Variants in ADAMTS20 observed in about 807,000 individuals in gnomAD.
ADAMTS20 encodes the protein ADAM metallopeptidase with thrombospondin type 1 motif 20.
A neutral mutation model predicts 260.1 loss-of-function variants in ADAMTS20; 225 were observed. That is an observed-to-expected ratio of 0.87 (90% CI 0.78 to 0.97). The LOEUF (loss-of-function observed/expected upper bound fraction) is 0.97, where lower values mean the gene tolerates loss of function less well. ADAMTS20 is among the 50% of genes least tolerant of loss of function. The pLI, the probability that ADAMTS20 is intolerant of heterozygous loss-of-function variation, is 0.00. For synonymous variants in ADAMTS20, 802 were observed against 769.5 expected, an observed-to-expected ratio of 1.04 and a Z score of -0.70; for missense variants, 2,400 against 2,337.7, an observed-to-expected ratio of 1.03 and a Z score of -0.55.
rs1177979673 is a variant in ADAMTS20, at chr12:43,383,811, C to T, written c.4619G>A (p.Arg1540Lys). ...TTACATGTCGATACTCACATTCAGC[C>T]TCCCTCTTTCCATCCCCTTGTGCTG... ...CVQHKGMERG[R>K]LNCSTSCERK... The change falls in exon 30 of 39, where the codon AGG becomes AAG. Residue 1540 changes from arginine to lysine, a missense_variant. Coordinates refer to ENST00000389420, the MANE Select transcript of ADAMTS20 (RefSeq NM_025003.5). 1 of 1,613,694 alleles carries T rather than the reference C, an allele frequency of 6.2e-7. No individual in the cohort carries two copies. Among genetic ancestry groups the T allele is most frequent in the Non-Finnish European group, 8.5e-7 (1 of 1,179,704 alleles).
intron 3 of ADAMTS20, among the ~76,000 whole-genome samples, chr12:43,509,269 C>T (rs998369097): frequency 3.3e-5 from 5 of 151,870 alleles, no homozygotes; most frequent in East Asian, 1.9e-4. Flanking sequence ...TTGACAATGA[C>T]GTTTAAAAAC....
At chr12:43,531,885 A>G in intron 3 of ADAMTS20, 151 bp downstream of exon 3, 1 of 506,502 alleles carries the variant, frequency 2.0e-6, no homozygotes, top group Non-Finnish European at 2.9e-6. Context: ...CATGTCATAC[A>G]TGCTAAACAT....
At chr12:43,512,718 C>A (rs1942942179) in intron 3 of ADAMTS20, among the ~76,000 whole-genome samples, 1 of 152,160 alleles carries the variant, frequency 6.6e-6, no homozygotes, top group Admixed American at 6.5e-5. Context: ...TTCCTTGCAT[C>A]CCCTGAATCA....
chr12:43,367,411 GTAA>G (rs1940011691), intron 37 of ADAMTS20, among the ~76,000 whole-genome samples: 1 of 151,996 alleles, frequency 6.6e-6, no homozygotes, highest in Non-Finnish European at 1.5e-5. Flanking sequence ...AATCAGTGTG[GTAA>G]CACTCTATCA....
chr12:43,432,201 G>T, intron 21 of ADAMTS20, 103 bp downstream of exon 21: 1 of 1,247,026 alleles, frequency 8.0e-7, no homozygotes, highest in Non-Finnish European at 1.1e-6. Flanking sequence ...TTTACAAAAT[G>T]ATGAAATAAA....
In ADAMTS20 at chr12:43,424,350, G is replaced by C. The variant is rs548075353; in HGVS notation, c.4284+1164C>G. Among the ~76,000 whole-genome samples the C allele has an allele frequency of 6.9e-4, 105 of 152,056 alleles. 1 individual carries two copies. The highest frequency in any genetic ancestry group is 2.5e-3 in the African/African-American group (102 of 41,508). On this transcript the variant is annotated intron_variant, in intron 28 of 38. Transcript: ENST00000389420. ...ATCATGAACAAAGTTTATGAGTTTTGTCTATGGCTCCAATAAAAACCCAGA... is the reference window on the plus strand; with the variant it reads ...ATCATGAACAAAGTTTATGAGTTTTCTCTATGGCTCCAATAAAAACCCAGA...
At chr12:43,496,214 TTAAATG>T (rs1334786922) in intron 4 of ADAMTS20, among the ~76,000 whole-genome samples, 2 of 152,228 alleles carry the variant, frequency 1.3e-5, no homozygotes, top group African/African-American at 4.8e-5. Flanking sequence ...GTGTTCAAGT[TTAAATG>T]TATTAATTCA....
intron 31 of ADAMTS20, among the ~76,000 whole-genome samples, chr12:43,381,105 TG>T (rs2137221359): frequency 6.6e-6 from 1 of 152,290 alleles, no homozygotes; most frequent in Admixed American, 6.5e-5. Flanking sequence ...AATTGTCAAT[TG>T]ATTTTTGACA....
At position 43,551,709 on chromosome 12, in the gene ADAMTS20, C is replaced by G. The variant is rs1190964710; in HGVS notation, c.91+122G>C. The G allele has an allele frequency of 9.8e-7, 1 of 1,024,994 alleles. No individual in the cohort carries two copies. The highest frequency in any genetic ancestry group is 1.5e-6 in the Non-Finnish European group (1 of 687,048). The allele number at this position is 1,024,994 out of a possible 1,614,324, so 63.5% of individuals were successfully genotyped here. On this transcript the variant is annotated intron_variant, in intron 1 of 38. Coordinates refer to ENST00000389420, the MANE Select transcript of ADAMTS20 (RefSeq NM_025003.5). This position sits in a 1 kb window ranked among gnomAD's most constrained non-coding sequence, Gnocchi z 4.6. ...CTCCGGCTGACTGGTCCGGGAGTCC[C>G]GGGAGCTCCAGCAGGGCCAGCGTTC...
chr12:43,419,258 G>A (rs1336922150), intron 28 of ADAMTS20, among the ~76,000 whole-genome samples: 1 of 151,956 alleles, frequency 6.6e-6, no homozygotes, highest in African/African-American at 2.4e-5. Flanking sequence ...TTCTCAAAAT[G>A]TTCTACTGAG....
chr12:43,529,058 C>T (rs1457326763), intron 3 of ADAMTS20, among the ~76,000 whole-genome samples: 2 of 152,080 alleles, frequency 1.3e-5, no homozygotes, highest in Non-Finnish European at 2.9e-5. Flanking sequence ...AAGTGCTCAA[C>T]ATCACTAATC....
intron 2 of ADAMTS20, among the ~76,000 whole-genome samples, chr12:43,540,379 G>C (rs1216982378): frequency 2.6e-5 from 4 of 152,100 alleles, no homozygotes; most frequent in African/African-American, 9.7e-5. Context: ...TTAAATGAAA[G>C]CTTGTATGTT....
chr12:43,474,189 C>A (rs1384912904), intron 7 of ADAMTS20, among the ~76,000 whole-genome samples: 1 of 142,260 alleles, frequency 7.0e-6, no homozygotes, highest in African/African-American at 2.6e-5. Context: ...TACAAACTAC[C>A]ATCAGAGAAT....
chr12:43,523,976 G>A (rs569331280), intron 3 of ADAMTS20, among the ~76,000 whole-genome samples: 27 of 151,592 alleles, frequency 1.8e-4, no homozygotes, highest in African/African-American at 6.5e-4. Context: ...GGTAACATAA[G>A]GCAAGCACAA....
rs78301268 is a variant in ADAMTS20 at position 43,400,255 on chromosome 12, C to T, written c.4285-1022G>A. On this transcript the variant is annotated intron_variant, in intron 28 of 38. Transcript: ENST00000389420. ...TGGAGTTCAGACAACCTTTCTCATT[C>T]CTCTGAGACAGTTGTTGGCATATGG... Among the ~76,000 whole-genome samples the T allele has an allele frequency of 4.5e-3, 688 of 151,952 alleles. 6 individuals are homozygous for T. The highest frequency in any genetic ancestry group is 0.016 in the African/African-American group (659 of 41,492).
At chr12:43,405,859 CA>C (rs1940910029) in intron 28 of ADAMTS20, among the ~76,000 whole-genome samples, 1 of 152,130 alleles carries the variant, frequency 6.6e-6, no homozygotes, top group East Asian at 1.9e-4. Flanking sequence ...CAGCAAGGTG[CA>C]TAAGTCATCG....
At chr12:43,467,532 C>T (rs1942176508) in intron 8 of ADAMTS20, among the ~76,000 whole-genome samples, 1 of 151,874 alleles carries the variant, frequency 6.6e-6, no homozygotes, top group African/African-American at 2.4e-5. Flanking sequence ...ACTAGAGACA[C>T]CTAAAGAGTT....
chr12:43,426,543 C>T (rs926672159), intron 27 of ADAMTS20, among the ~76,000 whole-genome samples: 3 of 152,164 alleles, frequency 2.0e-5, no homozygotes, highest in Non-Finnish European at 4.4e-5. Flanking sequence ...TACCATTCCA[C>T]ATTACGAAGG....
Position 43,532,020 on chromosome 12 carries a change from C to G in ADAMTS20, c.613+16G>C. 5 of 1,471,872 alleles carry G rather than the reference C, an allele frequency of 3.4e-6. No individual in the cohort carries two copies. The highest frequency in any genetic ancestry group is 4.5e-6 in the Non-Finnish European group (5 of 1,105,150). The allele number at this position is 1,471,872 out of a possible 1,614,324, so 91.2% of individuals were successfully genotyped here. ...TATCACTATTTAGCTGAAAAGAGTT[C>G]TATTTCACAGTTTACCTGACACACT... is the stretch of plus-strand genomic sequence containing the variant. On this transcript the variant is annotated intron_variant, in intron 3 of 38. Transcript: ENST00000389420.
Sources: gnomAD v4.1 joint callset for allele counts (sites outside exome capture counted in the v4.1 genomes callset) on GRCh38, gnomAD v4.1.1 for gene constraint, Gnocchi (gnomAD v3.1) non-coding constraint, MANE v1.5 for transcripts, NCBI Gene and HGNC (gene_info 2026-07-23, HGNC 2026-07-21) for gene names.